Variants in SLC39A11 observed in about 807,000 individuals in gnomAD.
SLC39A11 encodes the protein zinc transporter ZIP11.
SLC39A11 carries 33 observed loss-of-function variants against 36.1 expected under a neutral mutation model. The observed-to-expected ratio is 0.91, with a 90% CI of 0.69 to 1.22. The LOEUF is 1.22. Among genes scored for constraint, SLC39A11 ranks in the 50% most tolerant of loss-of-function variants. SLC39A11 has a pLI of 0.00. For missense variants in SLC39A11, 432 were observed against 430.3 expected (o/e 1.00, Z -0.03); for synonymous variants, 166 against 170.3 (o/e 0.97, Z 0.20).
chr17:73,075,165 C>T (rs2060279860), intron 3 of SLC39A11, among the ~76,000 whole-genome samples: 1 of 152,228 alleles, frequency 6.6e-6, no homozygotes. Flanking sequence ...TATCCCTAAG[C>T]AGGTGAACTA....
intron 5 of SLC39A11, among the ~76,000 whole-genome samples, chr17:72,900,358 AAGGGCAGGCATC>A (rs1213187120): frequency 6.6e-6 from 1 of 151,986 alleles, no homozygotes. Context: ...GGAGGGAAGG[AAGGGCAGGCATC>A]AGGGTTCTGA....
chr17:72,772,023 C>T (rs941173945), intron 6 of SLC39A11, among the ~76,000 whole-genome samples: 1 of 152,184 alleles, frequency 6.6e-6, no homozygotes, highest in African/African-American at 2.4e-5. Context: ...GCCTCCCTTC[C>T]ATCATTGAAA....
At chr17:73,027,815 C>CA (rs1598915758) in intron 4 of SLC39A11, among the ~76,000 whole-genome samples, 3 of 152,174 alleles carry the variant, frequency 2.0e-5, no homozygotes, top group African/African-American at 7.2e-5. Context: ...GGGCAAGGGT[C>CA]AAATCAGGGC....
chr17:72,649,065 T>G, intron 8 of SLC39A11, 104 bp from the exon 9 acceptor site: 2 of 1,546,274 alleles, frequency 1.3e-6, no homozygotes. Flanking sequence ...CATGCCATTC[T>G]ACGTCATATC....
At chr17:72,662,396 G>A (rs35973245) in intron 7 of SLC39A11, among the ~76,000 whole-genome samples, 19,550 of 138,452 alleles carry the variant, frequency 0.14, 1,625 homozygotes, top group Admixed American at 0.22. Flanking sequence ...GAAAAGGAAA[G>A]AAGGAGGGAA....
intron 4 of SLC39A11, among the ~76,000 whole-genome samples, chr17:72,991,486 T>C (rs1466222058): frequency 6.6e-6 from 1 of 152,084 alleles, no homozygotes; most frequent in Non-Finnish European, 1.5e-5. Flanking sequence ...GCCTCTCAAA[T>C]AGCTGGGATT....
Position 72,746,892 on chromosome 17 carries a change from A to G in SLC39A11, c.602-10173T>C, listed in dbSNP as rs111937830. ...TGAGACCCTGTCTCTACCACACACA[A>G]AAAAATTGGCTGGGTATGGTGGCAT... is the stretch of plus-strand genomic sequence containing the variant. On this transcript the variant is annotated intron_variant, in intron 6 of 9. Transcript: ENST00000255559. 7.5e-3 allele frequency among the ~76,000 whole-genome samples: 1,142 copies of G among 152,036 alleles called. 16 individuals carry two copies. Among genetic ancestry groups the G allele is most frequent in the African/African-American group, 0.026 (1,077 of 41,452 alleles).
rs549989101 is a variant in SLC39A11 at position 72,878,088 on chromosome 17, C to T, written c.431-28284G>A. The stretch of plus-strand genomic sequence containing the variant: ...CGCGGTGTTTGGTTTTTTGTCCTTG[C>T]GATAGTTTGCTGAGAATGATGGTTT... On this transcript the variant is annotated intron_variant, in intron 5 of 9. Coordinates refer to ENST00000255559, the MANE Select transcript of SLC39A11 (RefSeq NM_139177.4). Among the ~76,000 whole-genome samples, 64 of 150,996 alleles carry T rather than the reference C, an allele frequency of 4.2e-4. 1 individual carries two copies. The highest frequency in any genetic ancestry group is 3.7e-3 in the Admixed American group (56 of 15,120).
chr17:72,795,953 G>C (rs1198581748), intron 6 of SLC39A11, among the ~76,000 whole-genome samples: 1 of 152,152 alleles, frequency 6.6e-6, no homozygotes, highest in South Asian at 2.1e-4. Flanking sequence ...ACAAATGAAA[G>C]AGGGAAGAAT....
intron 3 of SLC39A11, among the ~76,000 whole-genome samples, chr17:73,072,847 C>T (rs535244472): frequency 2.6e-5 from 4 of 152,164 alleles, no homozygotes; most frequent in Non-Finnish European, 4.4e-5. Context: ...CAATGCACAG[C>T]GGTTTTCTTG....
At chr17:73,025,389 C>A (rs991233996) in intron 4 of SLC39A11, among the ~76,000 whole-genome samples, 1 of 152,188 alleles carries the variant, frequency 6.6e-6, no homozygotes, top group Non-Finnish European at 1.5e-5. Flanking sequence ...AAGCAAGCAG[C>A]AACAACACAG....
chr17:72,947,036 G>A (rs1248776172), intron 5 of SLC39A11, among the ~76,000 whole-genome samples: 1 of 152,224 alleles, frequency 6.6e-6, no homozygotes, highest in African/African-American at 2.4e-5. Context: ...AACGTCCACA[G>A]TTGGCCAGGT....
intron 7 of SLC39A11, 64 bp from the exon 8 acceptor site, chr17:72,649,332 C>A: frequency 6.7e-7 from 1 of 1,488,500 alleles, no homozygotes. Context: ...AATGGGAGTC[C>A]CTGGCCGAGG....
At chr17:73,081,632 TACACACACAC>T (rs57284292) in intron 3 of SLC39A11, among the ~76,000 whole-genome samples, 2,506 of 110,570 alleles carry the variant, frequency 0.023, 71 homozygotes, top group Admixed American at 0.05. Flanking sequence ...TATATATACA[TACACACACAC>T]ACACACACAC....
intron 6 of SLC39A11, among the ~76,000 whole-genome samples, chr17:72,746,768 T>C (rs1002183166): frequency 6.1e-5 from 9 of 147,874 alleles, no homozygotes; most frequent in Non-Finnish European, 1.0e-4. Context: ...AAAAATTAGC[T>C]GGGTGTGCTG....
intron 6 of SLC39A11, 93 bp from the exon 7 acceptor site, chr17:72,736,812 GA>G: frequency 9.8e-7 from 1 of 1,019,850 alleles, no homozygotes; most frequent in Non-Finnish European, 1.6e-6. Context: ...AGGACTGCAT[GA>G]GGCTGCCAGT....
At chr17:72,851,739 T>A (rs184456231) in intron 5 of SLC39A11, among the ~76,000 whole-genome samples, 1 of 152,294 alleles carries the variant, frequency 6.6e-6, no homozygotes, top group Non-Finnish European at 1.5e-5. Flanking sequence ...CCAAATAAGG[T>A]AAATGCCTAA....
rs917444887 is a variant in SLC39A11 at position 72,822,545 on chromosome 17, C to G, written c.601+27089G>C. On this transcript the variant is annotated intron_variant, in intron 6 of 9. Transcript: ENST00000255559. ...GCCAGTGCACAACAACTGAGAGAAA[C>G]AGGTGTCAATTTTCAGAGTAACTTG... 4.0e-5 allele frequency among the ~76,000 whole-genome samples: 6 copies of G among 150,918 alleles called. 1 individual carries two copies. Among genetic ancestry groups the G allele is most frequent in the Admixed American group, 1.3e-4 (2 of 15,144 alleles).
intron 7 of SLC39A11, among the ~76,000 whole-genome samples, chr17:72,704,367 G>A (rs1265046379): frequency 6.6e-6 from 1 of 152,112 alleles, no homozygotes; most frequent in African/African-American, 2.4e-5. Flanking sequence ...CTGACTTCAG[G>A]GTCCTTGCTC....
Sources: gnomAD v4.1 joint callset for allele counts (sites outside exome capture counted in the v4.1 genomes callset) on GRCh38, gnomAD v4.1.1 for gene constraint, MANE v1.5 for transcripts, NCBI Gene and HGNC (gene_info 2026-07-23, HGNC 2026-07-21) for gene names.